B4GALNT3: variants seen among roughly 807,000 people sequenced by gnomAD.
B4GALNT3 encodes the protein beta-1,4-N-acetylgalactosaminyltransferase 3.
B4GALNT3 carries 86 observed loss-of-function variants against 120.2 expected under a neutral mutation model. The observed-to-expected ratio is 0.72, with a 90% CI of 0.60 to 0.86. The LOEUF is 0.86. Among genes scored for constraint, B4GALNT3 ranks in the 40% least tolerant of loss-of-function variants. The pLI is 0.00. For missense variants in B4GALNT3, 1,167 were observed against 1,298.9 expected, an observed-to-expected ratio of 0.90 and a Z score of 1.56; for synonymous variants, 518 against 510.4, an observed-to-expected ratio of 1.01 and a Z score of -0.20.
chr12:529,197 C>A (rs1946783705), intron 1 of B4GALNT3, among the ~76,000 whole-genome samples: 1 of 152,160 alleles, frequency 6.6e-6, no homozygotes, highest in Admixed American at 6.5e-5. Flanking sequence ...TTCCGCATCT[C>A]CCCCTGTAGG....
chr12:490,393 T>C (rs1361097900), intron 1 of B4GALNT3, among the ~76,000 whole-genome samples: 1 of 151,970 alleles, frequency 6.6e-6, no homozygotes, highest in African/African-American at 2.4e-5. Context: ...ATGTCACAAG[T>C]GAAAGAGGAG....
intron 1 of B4GALNT3, among the ~76,000 whole-genome samples, chr12:511,433 TTCC>T (rs1946556580): frequency 1.8e-5 from 1 of 56,478 alleles, no homozygotes; most frequent in Admixed American, 2.3e-4. Context: ...TTCCACCTTC[TTCC>T]ACCTTCCACC....
At chr12:478,271 AATTAGAG>A (rs1169919891) in intron 1 of B4GALNT3, among the ~76,000 whole-genome samples, 2 of 123,572 alleles carry the variant, frequency 1.6e-5, no homozygotes, top group African/African-American at 7.4e-5. Flanking sequence ...AAAAAAAAAA[AATTAGAG>A]GAGGTAAAAA....
intron 1 of B4GALNT3, among the ~76,000 whole-genome samples, chr12:532,081 C>T (rs961658569): frequency 6.6e-6 from 1 of 152,156 alleles, no homozygotes; most frequent in Non-Finnish European, 1.5e-5. Flanking sequence ...CCTGGGATTC[C>T]AGGCATGAGC....
chr12:499,860 G>T (rs1327482144), intron 1 of B4GALNT3, among the ~76,000 whole-genome samples: 1 of 152,236 alleles, frequency 6.6e-6, no homozygotes, highest in Non-Finnish European at 1.5e-5. Flanking sequence ...AAGAAATTGA[G>T]GGTTTTATGT....
chr12:536,894 C>A (rs555370601), intron 3 of B4GALNT3, among the ~76,000 whole-genome samples: 119 of 152,288 alleles, frequency 7.8e-4, no homozygotes, highest in African/African-American at 2.7e-3. Flanking sequence ...ATAAGCATCC[C>A]AAACTGTCTT....
At chr12:558,826 C>T (rs531768234) in intron 18 of B4GALNT3, among the ~76,000 whole-genome samples, 165 bp downstream of exon 18, 2 of 151,960 alleles carry the variant, frequency 1.3e-5, no homozygotes, top group Non-Finnish European at 2.9e-5. Flanking sequence ...GACAAGGTCC[C>T]CTTGGGCTGA....
chr12:510,697 T>C (rs1270029835), intron 1 of B4GALNT3, among the ~76,000 whole-genome samples: 1 of 152,054 alleles, frequency 6.6e-6, no homozygotes, highest in Admixed American at 6.5e-5. Flanking sequence ...TTGCCAGCCC[T>C]CTAGGGATGG....
chr12:557,607 G>A lies in B4GALNT3; in HGVS notation c.2381-1G>A. 6.2e-7 allele frequency: 1 copy of A among 1,609,152 alleles called. No homozygotes were observed. The highest frequency in any genetic ancestry group is 1.1e-5 in the South Asian group (1 of 90,400). On this transcript the variant is annotated splice_acceptor_variant, in intron 15 of 19. Coordinates refer to ENST00000266383, the MANE Select transcript of B4GALNT3 (RefSeq NM_173593.4). LOFTEE classifies it high-confidence loss of function. ...TTCTCCTGCCTGACCCCCTGGGGTA[G>A]TGAAGAACCAGGCACGCTGGGTACA...
In B4GALNT3 at chr12:548,437, C is replaced by G. The variant is rs1947035290; in HGVS notation, c.853+140C>G. On this transcript the variant is annotated intron_variant, in intron 9 of 19. Coordinates refer to ENST00000266383, the MANE Select transcript of B4GALNT3 (RefSeq NM_173593.4). This position sits in a 1 kb window ranked among gnomAD's most constrained non-coding sequence, Gnocchi z 4.9. ...GACACGGGTATGAAGGGGTCCAGAA[C>G]AAGAGTGGGACCTTATGACCAGGAG... 4.0e-6 allele frequency: 3 copies of G among 743,136 alleles called. No homozygotes were observed. In the East Asian group the frequency reaches 8.1e-5, roughly 20 times the overall value. The allele number at this position is 743,136 out of a possible 1,614,324, so 46.0% of individuals were successfully genotyped here.
intron 1 of B4GALNT3, among the ~76,000 whole-genome samples, chr12:505,483 C>G (rs1191340637): frequency 6.6e-6 from 1 of 152,198 alleles, no homozygotes; most frequent in African/African-American, 2.4e-5. Flanking sequence ...CCATTTGAAC[C>G]CTGATCCATC....
chr12:528,921 A>G (rs2120645378), intron 1 of B4GALNT3, among the ~76,000 whole-genome samples: 2 of 152,208 alleles, frequency 1.3e-5, no homozygotes, highest in South Asian at 2.1e-4. Context: ...TCTGGATTTC[A>G]TCACCTTTTC....
intron 1 of B4GALNT3, among the ~76,000 whole-genome samples, chr12:497,882 A>G (rs569288147): frequency 2.6e-5 from 4 of 152,084 alleles, no homozygotes; most frequent in African/African-American, 9.6e-5. Flanking sequence ...AAGTGTTTTG[A>G]TTCTTTACCC....
At chr12:485,483 C>T (rs933750431) in intron 1 of B4GALNT3, among the ~76,000 whole-genome samples, 1 of 152,186 alleles carries the variant, frequency 6.6e-6, no homozygotes, top group Admixed American at 6.5e-5. Flanking sequence ...GTGGTGTTTA[C>T]AGATGTTCCA....
chr12:561,537 G>T lies in B4GALNT3; in HGVS notation c.*86G>T. 1 of 1,108,260 alleles carries T rather than the reference G, an allele frequency of 9.0e-7. No homozygotes were observed. Among genetic ancestry groups the T allele is most frequent in the African/African-American group, 1.5e-5 (1 of 64,590 alleles). 68.7% of individuals were successfully genotyped at this position (1,108,260 alleles called of 1,614,324 possible). On this transcript the variant is annotated 3_prime_UTR_variant, in exon 20 of 20. Coordinates refer to ENST00000266383, the MANE Select transcript of B4GALNT3 (RefSeq NM_173593.4). Reference sequence around the variant, plus strand: ...CCCTGCTACTGTTCAGGGATGGGGAGTGGGGTGACGGCTGGACCCCAAGAG... The same window carrying T: ...CCCTGCTACTGTTCAGGGATGGGGATTGGGGTGACGGCTGGACCCCAAGAG...
chr12:537,030 G>A (rs141274159), intron 3 of B4GALNT3, among the ~76,000 whole-genome samples: 120 of 152,300 alleles, frequency 7.9e-4, no homozygotes, highest in African/African-American at 2.7e-3. Flanking sequence ...ATATGAAAGA[G>A]TATGAGAAGT....
intron 1 of B4GALNT3, among the ~76,000 whole-genome samples, chr12:470,653 T>A (rs1447390070): frequency 2.0e-5 from 3 of 152,168 alleles, no homozygotes; most frequent in Admixed American, 2.0e-4. Context: ...CAGGGGACGT[T>A]GCACAGGCAC....
At chr12:539,008 G>C (rs1221515026) in intron 3 of B4GALNT3, among the ~76,000 whole-genome samples, 1 of 152,246 alleles carries the variant, frequency 6.6e-6, no homozygotes, top group African/African-American at 2.4e-5. Context: ...CAGGGTCACA[G>C]AGTTAGTGCA....
intron 1 of B4GALNT3, among the ~76,000 whole-genome samples, chr12:501,425 G>A (rs535658094): frequency 6.6e-6 from 1 of 152,160 alleles, no homozygotes; most frequent in Non-Finnish European, 1.5e-5. Context: ...GAGAAATAGG[G>A]ATCAGATTAG....
Sources: allele counts gnomAD v4.1 joint callset (sites outside exome capture counted in the v4.1 genomes callset), GRCh38; gene constraint gnomAD v4.1.1; non-coding constraint Gnocchi (gnomAD v3.1); transcripts MANE v1.5; gene names NCBI Gene and HGNC (gene_info 2026-07-23, HGNC 2026-07-21).